OTOF: variants seen among roughly 807,000 people sequenced by gnomAD.
OTOF encodes otoferlin, also known as fer-1-like family member 2.
Under a neutral mutation model 236.8 loss-of-function variants are expected in OTOF, and 218 were observed. The ratio of observed to expected loss-of-function variants is 0.92; its 90% CI spans 0.82 to 1.03. OTOF has a LOEUF of 1.03. Ranked by LOEUF, OTOF falls within the 50% of genes least tolerant of loss-of-function variation. The pLI is 0.00. For synonymous variants in OTOF, 1,041 were observed against 1,072.5 expected (o/e 0.97, Z 0.57); for missense variants, 2,590 against 2,694.4 (o/e 0.96, Z 0.86).
At chr2:26,544,374 T>C (rs1359699097) in intron 1 of OTOF, among the ~76,000 whole-genome samples, 1 of 152,242 alleles carries the variant, frequency 6.6e-6, no homozygotes, top group Non-Finnish European at 1.5e-5. Flanking sequence ...AGTGCTCTGA[T>C]TTCTAGCACC....
At chr2:26,483,122 C>T (rs968119965) in intron 13 of OTOF, among the ~76,000 whole-genome samples, 2 of 126,760 alleles carry the variant, frequency 1.6e-5, no homozygotes, top group South Asian at 2.7e-4. Flanking sequence ...CACGTGTGCA[C>T]GGGTGAGTGG....
In OTOF at chr2:26,476,904, G is replaced by A. The variant is rs766595357; in HGVS notation, c.2663C>T (p.Thr888Met). ...CCCCTCCAGCACCTTAAGGAAGAGC[G>A]TCTTGACCTTGGCGCAGTCCTTGCC... ...ETGKDCAKVK[T>M]LFLKLPGKRG... Residue 888 changes from threonine (T) to methionine (M), a missense_variant, in exon 22 of 47, where the codon ACG becomes ATG. Around this residue, in one of 2 missense-constraint regions of OTOF, gnomAD observed 1,379 missense variants for 1,341.6 expected, o/e 1.03. Transcript: ENST00000272371. The A allele has an allele frequency of 5.6e-6, 9 of 1,610,694 alleles. No individual in the cohort carries two copies. The highest frequency in any genetic ancestry group is 1.7e-5 in the Admixed American group (1 of 59,996).
At chr2:26,497,374 C>T (rs1317231827) in intron 8 of OTOF, among the ~76,000 whole-genome samples, 2 of 152,164 alleles carry the variant, frequency 1.3e-5, no homozygotes, top group African/African-American at 4.8e-5. Flanking sequence ...GAATTACAGG[C>T]GTGAGCCACT....
chr2:26,500,605 A>G (rs1368138086), intron 8 of OTOF, among the ~76,000 whole-genome samples: 2 of 152,156 alleles, frequency 1.3e-5, no homozygotes, highest in Non-Finnish European at 2.9e-5. Flanking sequence ...GTTATTTAAA[A>G]CCACAGGGGC....
intron 1 of OTOF, among the ~76,000 whole-genome samples, chr2:26,541,838 G>A (rs2148126966): frequency 6.6e-6 from 1 of 152,340 alleles, no homozygotes; most frequent in Non-Finnish European, 1.5e-5. Context: ...TCCTTGCATG[G>A]AAAGGCTGTT....
intron 9 of OTOF, among the ~76,000 whole-genome samples, chr2:26,493,486 G>T (rs560989578): frequency 6.6e-6 from 1 of 152,208 alleles, no homozygotes; most frequent in African/African-American, 2.4e-5. Context: ...CAGGGCCCAG[G>T]CCTGTGGCTT....
chr2:26,480,988 G>A lies in OTOF; in HGVS notation c.1601C>T (p.Pro534Leu), dbSNP rs1372456471. Residue 534 changes from proline (P) to leucine (L), a missense_variant, in exon 15 of 47, where the codon CCA becomes CTA. This residue lies in a region of OTOF where 1,379 missense variants were observed against 1,341.6 expected (regional missense o/e 1.03). Coordinates refer to ENST00000272371, the MANE Select transcript of OTOF (RefSeq NM_194248.3). ...GDKGFLPTLG[P>L]AWVNMYGSTR... The stretch of plus-strand genomic sequence containing the variant: ...GGAGCCGTACATGTTCACCCAGGCT[G>A]GGCCCAGTGTGGGCAGGAAGCCTGT... 6.2e-7 allele frequency: 1 copy of A among 1,612,944 alleles called. No individual in the cohort carries two copies. Among genetic ancestry groups the A allele is most frequent in the Admixed American group, 1.7e-5 (1 of 60,020 alleles).
rs373984878 is a variant in OTOF at position 26,475,321 on chromosome 2, G to A, written c.3126+38C>T. 6.8e-6 allele frequency: 11 copies of A among 1,611,336 alleles called. No homozygotes were observed. The African/African-American group carries it at 1.1e-4, about 16-fold the overall frequency. The stretch of plus-strand genomic sequence containing the variant: ...GTGCAGGGAACAAGGGCCAGGTGTG[G>A]TGCTGCTGGGGTCCCTGGCACCAGA... On this transcript the variant is annotated intron_variant, in intron 25 of 46. Transcript: ENST00000272371.
chr2:26,458,718 A>G (rs1664310459), intron 46 of OTOF, among the ~76,000 whole-genome samples: 1 of 152,210 alleles, frequency 6.6e-6, no homozygotes, highest in Non-Finnish European at 1.5e-5. Context: ...AGAGCCTCCC[A>G]GCCGAGAAGC....
chr2:26,556,665 A>T (rs1667593039), intron 1 of OTOF, among the ~76,000 whole-genome samples: 1 of 152,154 alleles, frequency 6.6e-6, no homozygotes, highest in African/African-American at 2.4e-5. Flanking sequence ...CCAGGAGCAG[A>T]TAAAGAGCTT....
intron 5 of OTOF, among the ~76,000 whole-genome samples, chr2:26,513,971 C>CCCATATGGG (rs1450814073): frequency 6.6e-6 from 1 of 152,190 alleles, no homozygotes; most frequent in Non-Finnish European, 1.5e-5. Flanking sequence ...ACTCCTTGAC[C>CCCATATGGG]CAGAACTCAA....
chr2:26,510,787 G>GTCT (rs1666366496), intron 5 of OTOF: 1 of 1,255,602 alleles, frequency 8.0e-7, no homozygotes, highest in Admixed American at 2.3e-5. Context: ...AAGGGGACAC[G>GTCT]TGTGAGGGGC....
chr2:26,466,414 G>A (rs1036034255), intron 36 of OTOF: 40 of 508,584 alleles, frequency 7.9e-5, no homozygotes, highest in Non-Finnish European at 1.3e-4. Context: ...TCAGCTCACT[G>A]CAAGCTCCAC....
Position 26,474,163 on chromosome 2 carries a change from C to T in OTOF, c.3289-53G>A, listed in dbSNP as rs1665136607. 1.1e-5 allele frequency: 17 copies of T among 1,610,378 alleles called. 1 individual carries two copies. In the South Asian group the frequency reaches 1.9e-4, roughly 18 times the overall value. On this transcript the variant is annotated intron_variant, in intron 26 of 46. Transcript: ENST00000272371. ...ACTGGGGAGCCCAGGGACAGGGTCTCTTTCCCCATGAGTTGTTTGCCATGA... is the reference window on the plus strand; with the variant it reads ...ACTGGGGAGCCCAGGGACAGGGTCTTTTTCCCCATGAGTTGTTTGCCATGA...
At chr2:26,463,597 T>C in intron 40 of OTOF, 26 bp from the exon 41 acceptor site, 9 of 1,545,536 alleles carry the variant, frequency 5.8e-6, no homozygotes, top group Non-Finnish European at 7.1e-6. Context: ...GTGGCAGATC[T>C]CCCAGGGCCT....
chr2:26,538,566 A>G (rs1667133316), intron 1 of OTOF, among the ~76,000 whole-genome samples: 1 of 152,238 alleles, frequency 6.6e-6, no homozygotes, highest in African/African-American at 2.4e-5. Flanking sequence ...GAACTGGCCC[A>G]AGATGTGGGG....
Position 26,473,507 on chromosome 2 carries a change from G to GT in OTOF, c.3468dup (p.Arg1157ThrfsTer20). The stretch of plus-strand genomic sequence containing the variant: ...TTCCCTGCACACTCGATGTCCACCC[G>GT]TGGCCGGTCCACCTGGGCCAGGTTC... On this transcript the variant is annotated frameshift_variant, in exon 28 of 47. Coordinates refer to ENST00000272371, the MANE Select transcript of OTOF (RefSeq NM_194248.3). LOFTEE classifies it high-confidence loss of function. The surrounding 1 kb of genome is among the most constrained non-coding windows in gnomAD (Gnocchi z 7.2). 1 of 1,612,804 alleles carries GT rather than the reference G, an allele frequency of 6.2e-7. No individual in the cohort carries two copies. The highest frequency in any genetic ancestry group is 8.5e-7 in the Non-Finnish European group (1 of 1,179,922).
chr2:26,497,024 A>G (rs1230217192), intron 8 of OTOF, among the ~76,000 whole-genome samples: 1 of 151,696 alleles, frequency 6.6e-6, no homozygotes, highest in Non-Finnish European at 1.5e-5. Flanking sequence ...GCCTCTCTCA[A>G]ACGTGTGTTT....
At chr2:26,505,266 A>G (rs1666218847) in intron 5 of OTOF, among the ~76,000 whole-genome samples, 1 of 152,226 alleles carries the variant, frequency 6.6e-6, no homozygotes. Context: ...GGAATGGAAG[A>G]AGGCTGATGT....
Sources: gnomAD v4.1 joint callset for allele counts (sites outside exome capture counted in the v4.1 genomes callset) on GRCh38, gnomAD v4.1.1 for gene constraint, gnomAD v4.1.1 regional missense constraint, Gnocchi (gnomAD v3.1) non-coding constraint, MANE v1.5 for transcripts, NCBI Gene and HGNC (gene_info 2026-07-23, HGNC 2026-07-21) for gene names.